GNA14: variants seen among roughly 807,000 people sequenced by gnomAD.
GNA14 encodes the protein guanine nucleotide-binding protein subunit alpha-14.
GNA14 carries 50 observed loss-of-function variants against 42.0 expected under a neutral mutation model. The observed-to-expected ratio is 1.19, with a 90% CI of 0.95 to 1.51. The LOEUF (loss-of-function observed/expected upper bound fraction) is 1.51. GNA14 is among the 40% of genes most tolerant of loss of function. The pLI is 0.00. For missense variants in GNA14, 473 were observed against 446.2 expected, an observed-to-expected ratio of 1.06 and a Z score of -0.54; for synonymous variants, 173 against 163.1, an observed-to-expected ratio of 1.06 and a Z score of -0.46.
intron 1 of GNA14, among the ~76,000 whole-genome samples, chr9:77,589,232 G>T (rs1423261734): frequency 6.6e-6 from 1 of 152,068 alleles, no homozygotes; most frequent in African/African-American, 2.4e-5. Context: ...TCACTTGCAG[G>T]GTCATTTCTA....
chr9:77,568,266 C>A (rs1288446495), intron 1 of GNA14, among the ~76,000 whole-genome samples: 1 of 152,102 alleles, frequency 6.6e-6, no homozygotes, highest in Non-Finnish European at 1.5e-5. Context: ...GCTTGGCCAA[C>A]ATGGTGAAAC....
intron 1 of GNA14, among the ~76,000 whole-genome samples, chr9:77,566,145 C>CTTTT (rs956489720): frequency 1.2e-3 from 121 of 102,460 alleles, no homozygotes; most frequent in Non-Finnish European, 1.5e-3. Flanking sequence ...GGGAGTGCTT[C>CTTTT]TTTTTTTTTT....
At position 77,640,987 on chromosome 9, in the gene GNA14, G is replaced by T. The variant is rs58757053; in HGVS notation, c.124+6683C>A. Among the ~76,000 whole-genome samples, 13 of 144,278 alleles carry T rather than the reference G, an allele frequency of 9.0e-5. No individual in the cohort carries two copies. The East Asian group carries it at 1.2e-3, about 14-fold the overall frequency. The allele number at this position is 144,278 out of a possible 152,430, so 94.7% of individuals were successfully genotyped here. On this transcript the variant is annotated intron_variant, in intron 1 of 6. Coordinates refer to ENST00000341700, the MANE Select transcript of GNA14 (RefSeq NM_004297.4). ...ATGATTTGAGCACCAAAATGATTAA[G>T]AACAGTAATGAAGTAAAAAATCATT...
rs150750681 is a variant in GNA14, at chr9:77,499,679, G to A, written c.309+29390C>T. Among the ~76,000 whole-genome samples the A allele has an allele frequency of 2.4e-3, 370 of 151,982 alleles. 1 individual carries two copies. Among genetic ancestry groups the A allele is most frequent in the Non-Finnish European group, 4.4e-3 (297 of 67,962 alleles). On this transcript the variant is annotated intron_variant, in intron 2 of 6. Coordinates refer to ENST00000341700, the MANE Select transcript of GNA14 (RefSeq NM_004297.4). ...TAGCCTGGCCAACATGGGAAACCCC[G>A]TCTCTACTAAAAATACAAAAATTAG...
At chr9:77,509,306 T>G (rs988489288) in intron 2 of GNA14, among the ~76,000 whole-genome samples, 14 of 152,240 alleles carry the variant, frequency 9.2e-5, no homozygotes, top group African/African-American at 3.4e-4. Context: ...CCGAATCATA[T>G]TCCATTGCAT....
intron 2 of GNA14, among the ~76,000 whole-genome samples, chr9:77,527,850 G>A (rs1837464970): frequency 6.6e-6 from 1 of 152,160 alleles, no homozygotes; most frequent in Non-Finnish European, 1.5e-5. Flanking sequence ...GGCCAGGCTG[G>A]TCTCGAACTC....
intron 2 of GNA14, among the ~76,000 whole-genome samples, chr9:77,479,383 T>C (rs1836499223): frequency 6.6e-6 from 1 of 152,262 alleles, no homozygotes; most frequent in South Asian, 2.1e-4. Context: ...TTGATCTATA[T>C]CTCTGTTTTG....
At chr9:77,609,707 T>A (rs1286298409) in intron 1 of GNA14, among the ~76,000 whole-genome samples, 2 of 152,198 alleles carry the variant, frequency 1.3e-5, no homozygotes, top group Non-Finnish European at 2.9e-5. Flanking sequence ...CAGGCAGCCA[T>A]CACGCCTTAT....
At chr9:77,556,872 T>C (rs1009311142) in intron 1 of GNA14, among the ~76,000 whole-genome samples, 8 of 152,208 alleles carry the variant, frequency 5.3e-5, no homozygotes, top group Admixed American at 3.9e-4. Flanking sequence ...TGCACTTTCT[T>C]TTTGGGGACA....
chr9:77,458,937 C>T (rs917682926), intron 2 of GNA14, among the ~76,000 whole-genome samples: 6 of 151,330 alleles, frequency 4.0e-5, no homozygotes, highest in East Asian at 3.9e-4. Context: ...CCCCCTTGCC[C>T]AAGACTCTAG....
chr9:77,577,820 GT>G (rs576526480), intron 1 of GNA14, among the ~76,000 whole-genome samples: 42 of 151,230 alleles, frequency 2.8e-4, no homozygotes, highest in Non-Finnish European at 3.2e-4. Flanking sequence ...CAGTAGTCAT[GT>G]TTTTTTTTAA....
chr9:77,481,892 C>T (rs548244873), intron 2 of GNA14, among the ~76,000 whole-genome samples: 265 of 152,060 alleles, frequency 1.7e-3, no homozygotes, highest in African/African-American at 6.1e-3. Flanking sequence ...TTCTGTTTTC[C>T]ATTTGCTTGG....
chr9:77,567,906 G>GA (rs1822993190), intron 1 of GNA14, among the ~76,000 whole-genome samples: 1 of 152,062 alleles, frequency 6.6e-6, no homozygotes, highest in African/African-American at 2.4e-5. Flanking sequence ...GCCAGCAAAA[G>GA]TTTGTGATAA....
Position 77,529,081 on chromosome 9 carries a change from A to G in GNA14, c.297T>C (p.Cys99=). 2 of 1,614,070 alleles carry G rather than the reference A, an allele frequency of 1.2e-6. No individual in the cohort carries two copies. Among genetic ancestry groups the G allele is most frequent in the Non-Finnish European group, 1.7e-6 (2 of 1,179,926 alleles). The change falls in exon 2 of 7, where the codon TGT becomes TGC. Residue 99 remains cysteine (C), a synonymous_variant. Coordinates refer to ENST00000341700, the MANE Select transcript of GNA14 (RefSeq NM_004297.4). ...AMDTLRIQYV[C]EQNKENAQII... ...CTAAGCACGTTACCTTATTCTGTTC[A>G]CACACATACTGTATCCTTAGCGTGT...
chr9:77,644,684 C>A (rs1185258391), intron 1 of GNA14, among the ~76,000 whole-genome samples: 2 of 143,926 alleles, frequency 1.4e-5, no homozygotes, highest in Non-Finnish European at 3.0e-5. Flanking sequence ...CAAACTAATT[C>A]AGCCATATCT....
intron 1 of GNA14, among the ~76,000 whole-genome samples, chr9:77,643,240 ATTT>A (rs113345502): frequency 7.3e-6 from 1 of 137,298 alleles, no homozygotes; most frequent in Non-Finnish European, 1.6e-5. Context: ...AGGTGTTGTC[ATTT>A]TTTTTTTTTT....
intron 2 of GNA14, among the ~76,000 whole-genome samples, chr9:77,445,605 T>C (rs1423546936): frequency 6.9e-6 from 1 of 145,512 alleles, no homozygotes; most frequent in Admixed American, 6.8e-5. Flanking sequence ...TTGCCAGGCA[T>C]GGTGGTACGC....
intron 1 of GNA14, among the ~76,000 whole-genome samples, chr9:77,626,742 G>A (rs1824018169): frequency 6.6e-6 from 1 of 152,172 alleles, no homozygotes; most frequent in South Asian, 2.1e-4. Context: ...GCAGTGTTTA[G>A]AAGTAAATTT....
At chr9:77,452,980 A>C (rs998702709) in intron 2 of GNA14, among the ~76,000 whole-genome samples, 2 of 151,810 alleles carry the variant, frequency 1.3e-5, no homozygotes, top group African/African-American at 4.8e-5. Context: ...AAAAACAAAT[A>C]AACAAACAAG....
Sources: allele counts gnomAD v4.1 joint callset (sites outside exome capture counted in the v4.1 genomes callset), GRCh38; gene constraint gnomAD v4.1.1; transcripts MANE v1.5; gene names NCBI Gene and HGNC (gene_info 2026-07-23, HGNC 2026-07-21).